The following ANP32A variants were observed in gnomAD, a reference collection of about 807,000 sequenced individuals.
The protein encoded by ANP32A is acidic leucine-rich nuclear phosphoprotein 32 family member A.
ANP32A carries 1 observed loss-of-function variant against 33.9 expected under a neutral mutation model. The ratio of observed to expected loss-of-function variants is 0.03; its 90% CI spans 0.01 to 0.14. The LOEUF (loss-of-function observed/expected upper bound fraction) is 0.14. ANP32A is among the 10% of genes least tolerant of loss of function. ANP32A has a pLI of 1.00. For synonymous variants in ANP32A, 115 were observed against 120.5 expected (o/e 0.95, Z 0.30); for missense variants, 155 against 306.0 (o/e 0.51, Z 3.68).
At chr15:68,790,113 G>GGC (rs2140362092) in intron 1 of ANP32A, 1 of 152,428 alleles carries the variant, frequency 6.6e-6, no homozygotes, top group South Asian at 2.1e-4. Context: ...GGAGTCACGT[G>GGC]GCCCACAGTC....
chr15:68,796,388 T>C (rs1205353590), intron 1 of ANP32A, among the ~76,000 whole-genome samples: 5 of 152,042 alleles, frequency 3.3e-5, no homozygotes, highest in Non-Finnish European at 2.9e-5. Context: ...GCTAATTTTG[T>C]ATGTTCAGTA....
intron 1 of ANP32A, among the ~76,000 whole-genome samples, chr15:68,817,978 G>T (rs1567041363): frequency 6.6e-6 from 1 of 152,148 alleles, no homozygotes; most frequent in Non-Finnish European, 1.5e-5. Context: ...GGCGGCTCCT[G>T]CCCCCCAGTA....
intron 3 of ANP32A, 115 bp downstream of exon 3, chr15:68,787,298 T>A: frequency 7.0e-7 from 1 of 1,420,014 alleles, no homozygotes; most frequent in South Asian, 1.2e-5. Context: ...TCATAGCACA[T>A]CATGAGAGTC....
At chr15:68,820,600 C>A in intron 1 of ANP32A, 98 bp downstream of exon 1, 1 of 263,748 alleles carries the variant, frequency 3.8e-6, no homozygotes, top group South Asian at 2.6e-5. Flanking sequence ...TCCCGGGCGC[C>A]CCCCCCCAAA....
intron 3 of ANP32A, among the ~76,000 whole-genome samples, chr15:68,786,377 G>A (rs1387358359): frequency 2.7e-5 from 4 of 149,488 alleles, no homozygotes; most frequent in African/African-American, 7.4e-5. Flanking sequence ...CTCCTGCCTC[G>A]GCCTCCCGAG....
At chr15:68,798,168 G>T (rs1220194822) in intron 1 of ANP32A, among the ~76,000 whole-genome samples, 2 of 152,200 alleles carry the variant, frequency 1.3e-5, no homozygotes, top group Non-Finnish European at 2.9e-5. Flanking sequence ...AATCCCACTG[G>T]AGTCTTCAGG....
intron 1 of ANP32A, among the ~76,000 whole-genome samples, chr15:68,813,893 G>A (rs1596076133): frequency 2.4e-5 from 3 of 123,662 alleles, no homozygotes; most frequent in Admixed American, 8.7e-5. Flanking sequence ...TTTTTGAGAC[G>A]GAGTCTCGCT....
chr15:68,784,413 C>G lies in ANP32A; in HGVS notation c.510G>C (p.Glu170Asp). 1.2e-6 allele frequency: 2 copies of G among 1,614,078 alleles called. No homozygotes were observed. The highest frequency in any genetic ancestry group is 1.7e-6 in the Non-Finnish European group (2 of 1,179,984). ...GTCACCCACCATCCTCATCCTCCTC[C>G]TCATCATCCAGGCCCTCCACGTAGC... ...AEGYVEGLDD[E>D]EEDEDEEEYD... Residue 170 changes from glutamate to aspartate, a missense_variant, in exon 4 of 7, where the codon GAG becomes GAC. Transcript: ENST00000465139.
chr15:68,786,701 C>CTA (rs1893937813), intron 3 of ANP32A, among the ~76,000 whole-genome samples: 2 of 152,168 alleles, frequency 1.3e-5, no homozygotes, highest in African/African-American at 4.8e-5. Flanking sequence ...CGAATCAGAT[C>CTA]CTGGTAATTA....
rs3214818 is a variant in ANP32A at position 68,780,007 on chromosome 15, AG to A, written c.*73del. On this transcript the variant is annotated 3_prime_UTR_variant, in exon 7 of 7. Transcript: ENST00000465139. The surrounding 1 kb of genome is among the most constrained non-coding windows in gnomAD (Gnocchi z 4.3). ...AATAAGTTTCAGGGGGCAGGATTGG[AG>A]GGGGGGGGGAGAGGGGATATGGGTA... 53,435 of 967,778 alleles carry A rather than the reference AG, an allele frequency of 0.055. 148 individuals carry two copies. Among genetic ancestry groups the A allele is most frequent in the African/African-American group, 0.091 (5,192 of 56,922 alleles). 59.9% of individuals were successfully genotyped at this position (967,778 alleles called of 1,614,324 possible).
At chr15:68,810,274 TG>T (rs759887391) in intron 1 of ANP32A, among the ~76,000 whole-genome samples, 34 of 152,228 alleles carry the variant, frequency 2.2e-4, no homozygotes, top group Non-Finnish European at 4.4e-5. Context: ...ATGTGTGTTT[TG>T]ATAAGATCAT....
chr15:68,804,308 A>ATGG lies in ANP32A; in HGVS notation c.54+16389_55-16389insCCA, dbSNP rs528788405. ...GTTGGATGACCTGGTTTTGTATCCA[A>ATGG]GCACAGCTCCTCAGTACTACCTGAC... On this transcript the variant is annotated intron_variant, in intron 1 of 6. Coordinates refer to ENST00000465139, the MANE Select transcript of ANP32A (RefSeq NM_006305.4). Among the ~76,000 whole-genome samples the ATGG allele has an allele frequency of 5.0e-4, 76 of 152,232 alleles. 2 individuals are homozygous for ATGG. The East Asian group carries it at 0.014, about 28-fold the overall frequency.
chr15:68,784,205 A>G, intron 4 of ANP32A, 192 bp downstream of exon 4: 1 of 628,040 alleles, frequency 1.6e-6, no homozygotes. Flanking sequence ...ATTAGGGACT[A>G]TGGAAAACAA....
intron 1 of ANP32A, among the ~76,000 whole-genome samples, chr15:68,788,282 C>A (rs1893958114): frequency 6.6e-6 from 1 of 152,228 alleles, no homozygotes; most frequent in African/African-American, 2.4e-5. Context: ...TCTCCCAAAA[C>A]CCACATGCAC....
At chr15:68,795,892 C>A (rs2140364629) in intron 1 of ANP32A, among the ~76,000 whole-genome samples, 1 of 152,248 alleles carries the variant, frequency 6.6e-6, no homozygotes, top group East Asian at 1.9e-4. Context: ...CTAGCCCAGG[C>A]CTGTCTGGTT....
At chr15:68,813,477 G>T (rs1894338596) in intron 1 of ANP32A, among the ~76,000 whole-genome samples, 1 of 152,214 alleles carries the variant, frequency 6.6e-6, no homozygotes, top group Non-Finnish European at 1.5e-5. Flanking sequence ...AAACATCATT[G>T]TTGGGTATTT....
At chr15:68,819,922 G>A (rs1386416376) in intron 1 of ANP32A, among the ~76,000 whole-genome samples, 1 of 152,228 alleles carries the variant, frequency 6.6e-6, no homozygotes, top group Non-Finnish European at 1.5e-5. Context: ...GGTGGAAAGA[G>A]TGAGGGAGAA....
At position 68,820,811 on chromosome 15, in the gene ANP32A, G is replaced by A; in HGVS notation, c.-60C>T. 2.5e-6 allele frequency: 4 copies of A among 1,603,900 alleles called. No homozygotes were observed. The highest frequency in any genetic ancestry group is 1.7e-4 in the Middle Eastern group (1 of 5,932). On this transcript the variant is annotated 5_prime_UTR_variant, in exon 1 of 7. Transcript: ENST00000465139. ...CGGCGGAATTCAATCAATAAACCCC[G>A]AACCCACGGCCGCGCGTTTTAGGAC...
At chr15:68,799,294 C>G (rs909338102) in intron 1 of ANP32A, among the ~76,000 whole-genome samples, 1 of 152,080 alleles carries the variant, frequency 6.6e-6, no homozygotes, top group African/African-American at 2.4e-5. Context: ...CAGACACAGA[C>G]AGAGAAAGAC....
Sources: allele counts gnomAD v4.1 joint callset (sites outside exome capture counted in the v4.1 genomes callset), GRCh38; gene constraint gnomAD v4.1.1; non-coding constraint Gnocchi (gnomAD v3.1); transcripts MANE v1.5; gene names NCBI Gene and HGNC (gene_info 2026-07-23, HGNC 2026-07-21).